Variants in MSR1 observed in about 807,000 individuals in gnomAD.
MSR1 encodes macrophage scavenger receptor types I and II.
A neutral mutation model predicts 47.2 loss-of-function variants in MSR1; 53 were observed. The ratio of observed to expected loss-of-function variants is 1.12; its 90% CI spans 0.90 to 1.41. The LOEUF (loss-of-function observed/expected upper bound fraction) is 1.41. Among genes scored for constraint, MSR1 ranks in the 40% most tolerant of loss-of-function variants. MSR1 has a pLI of 0.00. For synonymous variants in MSR1, 239 were observed against 185.6 expected (o/e 1.29, Z -2.34); for missense variants, 786 against 546.9 (o/e 1.44, Z -4.36).
intron 8 of MSR1, among the ~76,000 whole-genome samples, chr8:16,128,809 C>T (rs1287705125): frequency 6.6e-6 from 1 of 151,544 alleles, no homozygotes; most frequent in Admixed American, 6.6e-5. Context: ...AAAACACCTA[C>T]TTTAAAAGCT....
At chr8:16,125,456 G>A (rs1055964116) in intron 8 of MSR1, among the ~76,000 whole-genome samples, 5 of 152,066 alleles carry the variant, frequency 3.3e-5, no homozygotes, top group Non-Finnish European at 4.4e-5. Context: ...CAGGTAAAAT[G>A]ATTTGACATA....
At chr8:16,171,460 T>G (rs940814458) in intron 3 of MSR1, among the ~76,000 whole-genome samples, 1 of 152,178 alleles carries the variant, frequency 6.6e-6, no homozygotes, top group Non-Finnish European at 1.5e-5. Flanking sequence ...TTACTCTACA[T>G]GTCTTAACGT....
intron 7 of MSR1, among the ~76,000 whole-genome samples, chr8:16,146,492 C>T (rs1247013327): frequency 6.6e-6 from 1 of 152,082 alleles, no homozygotes. Flanking sequence ...ATCAACCATT[C>T]CCTTCTCCGC....
At chr8:16,147,828 T>C (rs1172690569) in intron 7 of MSR1, among the ~76,000 whole-genome samples, 3 of 152,116 alleles carry the variant, frequency 2.0e-5, no homozygotes, top group African/African-American at 7.2e-5. Flanking sequence ...CTGCCGTTGT[T>C]TTTCTTTGTG....
intron 6 of MSR1, among the ~76,000 whole-genome samples, chr8:16,152,158 G>C (rs1352371504): frequency 1.3e-5 from 2 of 152,036 alleles, no homozygotes; most frequent in African/African-American, 2.4e-5. Context: ...TCTAAATTTA[G>C]TTTTATTAAA....
intron 8 of MSR1, among the ~76,000 whole-genome samples, chr8:16,129,312 T>G (rs770289662): frequency 1.3e-5 from 2 of 152,028 alleles, no homozygotes; most frequent in Non-Finnish European, 2.9e-5. Flanking sequence ...AAGCAGGATA[T>G]GAGTAAGAAG....
intron 6 of MSR1, among the ~76,000 whole-genome samples, chr8:16,153,154 G>C (rs1800907275): frequency 1.3e-5 from 2 of 151,990 alleles, no homozygotes; most frequent in African/African-American, 4.8e-5. Context: ...GTCAAGCTGA[G>C]TTTAGTAGGC....
chr8:16,155,214 G>A (rs1028939049), intron 5 of MSR1, 70 bp from the exon 6 acceptor site: 11 of 1,115,854 alleles, frequency 9.9e-6, no homozygotes, highest in Non-Finnish European at 1.4e-5. Flanking sequence ...ATCTGTCAAG[G>A]TACTTATATA....
Position 16,186,212 on chromosome 8 carries a change from G to T in MSR1, c.-5+6386C>A, listed in dbSNP as rs377211096. ...TGATTGCACTGAGATAGCACATCCAGGGGAGTTTTATTTATTTCTGGGTAT... is the reference window on the plus strand; with the variant it reads ...TGATTGCACTGAGATAGCACATCCATGGGAGTTTTATTTATTTCTGGGTAT... On this transcript the variant is annotated intron_variant, in intron 1 of 9. Coordinates refer to ENST00000262101, the MANE Select transcript of MSR1 (RefSeq NM_138715.3). 299 of 1,535,110 alleles carry T rather than the reference G, an allele frequency of 1.9e-4. 2 individuals are homozygous for T. The East Asian group carries it at 6.9e-3, about 35-fold the overall frequency.
At chr8:16,154,621 C>T (rs573475877) in intron 6 of MSR1, among the ~76,000 whole-genome samples, 15 of 151,960 alleles carry the variant, frequency 9.9e-5, no homozygotes, top group African/African-American at 3.4e-4. Flanking sequence ...TAACTCACTA[C>T]TAGTGTGAGT....
At chr8:16,187,481 C>G (rs567231476) in intron 1 of MSR1, among the ~76,000 whole-genome samples, 1 of 151,752 alleles carries the variant, frequency 6.6e-6, no homozygotes, top group Non-Finnish European at 1.5e-5. Context: ...GTCTTCCCCA[C>G]CCTGGCTTCA....
chr8:16,114,083 T>C (rs1799822806), intron 9 of MSR1, among the ~76,000 whole-genome samples: 1 of 152,154 alleles, frequency 6.6e-6, no homozygotes, highest in African/African-American at 2.4e-5. Flanking sequence ...TTTAAAACAT[T>C]CAACATGCAA....
intron 5 of MSR1, among the ~76,000 whole-genome samples, chr8:16,162,466 T>C (rs1337905285): frequency 1.3e-5 from 2 of 152,038 alleles, no homozygotes; most frequent in Non-Finnish European, 1.5e-5. Flanking sequence ...AATTGGTAAA[T>C]TCATGCGCAA....
chr8:16,180,595 G>A (rs889509062), intron 1 of MSR1, among the ~76,000 whole-genome samples: 13 of 152,134 alleles, frequency 8.5e-5, no homozygotes, highest in African/African-American at 3.1e-4. Context: ...GCTGTGTAAT[G>A]GACTTAGCAC....
At position 16,119,870 on chromosome 8, in the gene MSR1, CTTTTT is replaced by C. The variant is rs35520763; in HGVS notation, c.1222+543_1222+547del. On this transcript the variant is annotated intron_variant, in intron 9 of 9. Transcript: ENST00000262101. Reference sequence around the variant, plus strand: ...TGCAGGTGCATGCTATCACGCCTGGCTTTTTTTTTTTTTTTTTTTTTAATTGGTAG... The same window carrying C: ...TGCAGGTGCATGCTATCACGCCTGGCTTTTTTTTTTTTTTTTAATTGGTAG... 9.3e-4 allele frequency among the ~76,000 whole-genome samples: 89 copies of C among 95,678 alleles called. 1 individual carries two copies. Among genetic ancestry groups the C allele is most frequent in the Middle Eastern group, 6.8e-3 (1 of 146 alleles). The allele number at this position is 95,678 out of a possible 152,430, so 62.8% of individuals were successfully genotyped here. A position where few individuals can be genotyped will look rare whatever the true frequency, so the allele number is the denominator to read the frequency against.
At chr8:16,119,096 G>A (rs1799940455) in intron 9 of MSR1, among the ~76,000 whole-genome samples, 1 of 152,066 alleles carries the variant, frequency 6.6e-6, no homozygotes, top group African/African-American at 2.4e-5. Flanking sequence ...GGCTGAAACT[G>A]GCTACAGAAG....
rs1349561311 is a variant in MSR1 at position 16,109,901 on chromosome 8, G to A, written c.*184C>T. On this transcript the variant is annotated 3_prime_UTR_variant, in exon 10 of 10. Coordinates refer to ENST00000262101, the MANE Select transcript of MSR1 (RefSeq NM_138715.3). ...TTTAAAAACCTATAGAAGTTAAAATGATTTAAATATAGACATAAAATAGTA... is the reference window on the plus strand; with the variant it reads ...TTTAAAAACCTATAGAAGTTAAAATAATTTAAATATAGACATAAAATAGTA... The A allele has an allele frequency of 4.4e-6, 3 of 681,008 alleles. No homozygotes were observed. Among genetic ancestry groups the A allele is most frequent in the East Asian group, 2.8e-5 (1 of 35,954 alleles). 42.2% of individuals were successfully genotyped at this position (681,008 alleles called of 1,614,324 possible).
At chr8:16,134,289 A>G (rs1269520690) in intron 8 of MSR1, among the ~76,000 whole-genome samples, 2 of 152,106 alleles carry the variant, frequency 1.3e-5, no homozygotes, top group Non-Finnish European at 2.9e-5. Context: ...TTCTATTCAG[A>G]CATGTTATAA....
chr8:16,120,684 T>C (rs1372047032), intron 8 of MSR1, 78 bp from the exon 9 acceptor site: 27 of 1,454,926 alleles, frequency 1.9e-5, no homozygotes, highest in Non-Finnish European at 2.4e-5. Flanking sequence ...TTACAGCACT[T>C]TTTTTTTAAA....
Sources: gnomAD v4.1 joint callset for allele counts (sites outside exome capture counted in the v4.1 genomes callset) on GRCh38, gnomAD v4.1.1 for gene constraint, MANE v1.5 for transcripts, NCBI Gene and HGNC (gene_info 2026-07-23, HGNC 2026-07-21) for gene names.